KYAT3: variants seen among roughly 807,000 people sequenced by gnomAD.
The protein encoded by KYAT3 is kynurenine--oxoglutarate transaminase 3.
KYAT3 carries 50 observed loss-of-function variants against 59.0 expected under a neutral mutation model. The observed-to-expected ratio is 0.85, with a 90% CI of 0.68 to 1.07. The LOEUF (loss-of-function observed/expected upper bound fraction) is 1.07. KYAT3 is among the 50% of genes least tolerant of loss of function. KYAT3 has a pLI of 0.00. For synonymous variants in KYAT3, 148 were observed against 177.0 expected, an observed-to-expected ratio of 0.84 and a Z score of 1.30; for missense variants, 497 against 533.3, an observed-to-expected ratio of 0.93 and a Z score of 0.67.
In KYAT3 at chr1:88,986,115, A is replaced by G. The variant is rs1570850044; in HGVS notation, c.99+2137T>C. Among the ~76,000 whole-genome samples, 6 of 151,560 alleles carry G rather than the reference A, an allele frequency of 4.0e-5. No homozygotes were observed. In the South Asian group the frequency reaches 1.0e-3, roughly 26 times the overall value. On this transcript the variant is annotated intron_variant, in intron 2 of 13. Transcript: ENST00000260508. ...AGAATTGCTTGAACCCGAGAGGCGG[A>G]GGCTGCAGTGAGCCGAGATTGCGCC... is the stretch of plus-strand genomic sequence containing the variant.
intron 10 of KYAT3, among the ~76,000 whole-genome samples, chr1:88,949,719 T>G (rs1242393830): frequency 6.6e-6 from 1 of 152,232 alleles, no homozygotes; most frequent in East Asian, 1.9e-4. Context: ...TGTGCCTTTC[T>G]TATTCTCCAT....
At chr1:88,975,667 AAC>A (rs1454584673) in intron 2 of KYAT3, among the ~76,000 whole-genome samples, 2 of 152,264 alleles carry the variant, frequency 1.3e-5, no homozygotes, top group East Asian at 1.9e-4. Flanking sequence ...TTATATATAC[AAC>A]ACAGAGTCAT....
intron 13 of KYAT3, 66 bp downstream of exon 13, chr1:88,942,934 GAAGAA>G: frequency 8.7e-7 from 1 of 1,144,716 alleles, no homozygotes; most frequent in South Asian, 1.4e-5. Flanking sequence ...TTTAGAAACA[GAAGAA>G]AATAGTACTT....
intron 2 of KYAT3, chr1:88,980,144 AATC>A (rs1414606656): frequency 6.6e-6 from 1 of 152,364 alleles, no homozygotes; most frequent in Non-Finnish European, 1.5e-5. Flanking sequence ...GACAAAGACA[AATC>A]AGCAGCGTGA....
At chr1:88,930,177 T>C in the KYAT3 span, among the ~76,000 whole-genome samples, 5 of 152,232 alleles carry the variant, frequency 3.3e-5, no homozygotes, top group African/African-American at 9.6e-5. Context: ...TTACTGGTAG[T>C]GGCAGCAGTA....
At chr1:88,991,566 G>A (rs1323318690) in intron 1 of KYAT3, among the ~76,000 whole-genome samples, 1 of 152,236 alleles carries the variant, frequency 6.6e-6, no homozygotes, top group African/African-American at 2.4e-5. Flanking sequence ...TCCTGGACGG[G>A]GGAGTACAGT....
At chr1:88,953,902 C>CTTT (rs199642260) in intron 9 of KYAT3, among the ~76,000 whole-genome samples, 101 of 127,198 alleles carry the variant, frequency 7.9e-4, no homozygotes, top group African/African-American at 2.3e-3. Flanking sequence ...TCTTCTTCTT[C>CTTT]TTCTTTTTTT....
the KYAT3 span, among the ~76,000 whole-genome samples, chr1:88,922,224 TA>T: frequency 1.4e-4 from 21 of 151,724 alleles, no homozygotes; most frequent in African/African-American, 4.8e-4. Flanking sequence ...CCTCTCTCTC[TA>T]AAAAAAAGCA....
At chr1:88,962,915 G>C (rs1382901644) in intron 5 of KYAT3, among the ~76,000 whole-genome samples, 6 of 151,908 alleles carry the variant, frequency 3.9e-5, no homozygotes, top group African/African-American at 7.3e-5. Flanking sequence ...CAGGGCAGTA[G>C]AGTGGGAGAA....
intron 13 of KYAT3, among the ~76,000 whole-genome samples, chr1:88,937,327 C>G (rs17130657): frequency 0.18 from 27,286 of 151,950 alleles, 3,199 homozygotes; most frequent in African/African-American, 0.34. Context: ...AAGCCTGAAC[C>G]GGGAAAAGGG....
chr1:88,960,256 C>T (rs17472737), intron 8 of KYAT3, among the ~76,000 whole-genome samples: 68,639 of 151,358 alleles, frequency 0.45, 15,826 homozygotes, highest in Admixed American at 0.5. Context: ...ATTTATCTAT[C>T]TCTGCCACAT....
chr1:88,973,154 A>G (rs1197338105), intron 2 of KYAT3, among the ~76,000 whole-genome samples: 1 of 152,206 alleles, frequency 6.6e-6, no homozygotes, highest in Non-Finnish European at 1.5e-5. Flanking sequence ...AGGAATGCAG[A>G]GATTTCCAGG....
intron 13 of KYAT3, among the ~76,000 whole-genome samples, chr1:88,938,488 A>G (rs1190010495): frequency 2.0e-5 from 3 of 152,194 alleles, no homozygotes; most frequent in East Asian, 3.8e-4. Flanking sequence ...CCAGGTATTA[A>G]GAGCACAGCA....
At chr1:88,939,003 CAG>C (rs1196268631) in intron 13 of KYAT3, among the ~76,000 whole-genome samples, 1 of 152,150 alleles carries the variant, frequency 6.6e-6, no homozygotes, top group Non-Finnish European at 1.5e-5. Flanking sequence ...CACATCTGAA[CAG>C]AAATTTTCAA....
intron 13 of KYAT3, among the ~76,000 whole-genome samples, chr1:88,940,607 G>C (rs1296782598): frequency 6.6e-6 from 1 of 152,122 alleles, no homozygotes; most frequent in Admixed American, 6.5e-5. Flanking sequence ...TCAGTGGGTG[G>C]GAGTTCTTTT....
chr1:88,948,557 TC>T (rs985637349), intron 11 of KYAT3, among the ~76,000 whole-genome samples: 2 of 152,210 alleles, frequency 1.3e-5, no homozygotes, highest in Admixed American at 6.5e-5. Context: ...ACTTTCTAAA[TC>T]TTTTTACCTG....
rs1239356019 is a variant in KYAT3, at chr1:88,988,309, T to G, written c.42A>C (p.Arg14Ser). The change falls in exon 2 of 14, where the codon AGA becomes AGC. Residue 14 changes from arginine to serine, a missense_variant. Arg to Ser is a moderately radical substitution (Grantham distance 110, BLOSUM62 -1). Coordinates refer to ENST00000260508, the MANE Select transcript of KYAT3 (RefSeq NM_001008661.3). Reference protein sequence around the residue: ...AQRSLCSLSGRAKFLKTISSS... With the variant: ...AQRSLCSLSGSAKFLKTISSS... ...AAGAAATTGTCTTCAGGAATTTTGCTCTACCGCTAAGAGAGCAGAGGCTCC... is the reference window on the plus strand; with the variant it reads ...AAGAAATTGTCTTCAGGAATTTTGCGCTACCGCTAAGAGAGCAGAGGCTCC... 1.2e-6 allele frequency: 2 copies of G among 1,613,734 alleles called. No individual in the cohort carries two copies. The highest frequency in any genetic ancestry group is 2.7e-5 in the African/African-American group (2 of 74,932).
intron 11 of KYAT3, among the ~76,000 whole-genome samples, chr1:88,944,758 A>C (rs373823693): frequency 6.6e-6 from 1 of 152,330 alleles, no homozygotes. Flanking sequence ...TGAATACCTA[A>C]GGGAGTAGAA....
the KYAT3 span, among the ~76,000 whole-genome samples, chr1:88,930,599 C>T: frequency 1.3e-5 from 2 of 152,130 alleles, no homozygotes; most frequent in Non-Finnish European, 2.9e-5. Context: ...TTCCCTCACT[C>T]CAGGAACTAG....
Sources: allele counts gnomAD v4.1 joint callset (sites outside exome capture counted in the v4.1 genomes callset), GRCh38; gene constraint gnomAD v4.1.1; transcripts MANE v1.5; gene names NCBI Gene and HGNC (gene_info 2026-07-23, HGNC 2026-07-21).